The following SWT1 variants were observed in gnomAD, a reference collection of about 807,000 sequenced individuals.
The protein encoded by SWT1 is SWT1 RNA endoribonuclease homolog, also known as transcriptional protein SWT1.
Under a neutral mutation model 107.3 loss-of-function variants are expected in SWT1, and 33 were observed. That is an observed-to-expected ratio of 0.31 (90% CI 0.23 to 0.41). The LOEUF (loss-of-function observed/expected upper bound fraction) is 0.41, where lower values mean the gene tolerates loss of function less well. SWT1 is among the 10% of genes least tolerant of loss of function. The probability of loss-of-function intolerance (pLI) is 1.00; values close to 1 mark genes in which losing one functional copy is unlikely to be tolerated. For missense variants in SWT1, 898 were observed against 1,028.9 expected, an observed-to-expected ratio of 0.87 and a Z score of 1.74; for synonymous variants, 345 against 348.3, an observed-to-expected ratio of 0.99 and a Z score of 0.11.
At chr1:185,258,407 A>T (rs1167170543) in intron 16 of SWT1, among the ~76,000 whole-genome samples, 2 of 152,080 alleles carry the variant, frequency 1.3e-5, no homozygotes, top group Non-Finnish European at 2.9e-5. Flanking sequence ...CTTATTTATC[A>T]TGCTTTATTA....
intron 16 of SWT1, among the ~76,000 whole-genome samples, chr1:185,265,878 T>G (rs1223629617): frequency 6.6e-6 from 1 of 152,118 alleles, no homozygotes. Flanking sequence ...ATTATAAACA[T>G]TTCCACTTCT....
chr1:185,224,040 C>T (rs1659871964), intron 15 of SWT1, among the ~76,000 whole-genome samples: 1 of 152,168 alleles, frequency 6.6e-6, no homozygotes. Flanking sequence ...TCCTTTTGCA[C>T]ATTTTTAATT....
intron 16 of SWT1, among the ~76,000 whole-genome samples, chr1:185,232,048 C>T (rs972054779): frequency 6.6e-6 from 1 of 151,970 alleles, no homozygotes; most frequent in African/African-American, 2.4e-5. Flanking sequence ...TTTCATTTCT[C>T]TTGAATGGTT....
In SWT1 at chr1:185,276,585, A is replaced by G. The variant is rs771568096; in HGVS notation, c.2509-19A>G. On this transcript the variant is annotated intron_variant, in intron 17 of 18. Transcript: ENST00000367500. ...ACTTTAATATATATTTTTAATAACT[A>G]TATCTTGGTTCCTTTCAGGTAAATA... is the stretch of plus-strand genomic sequence containing the variant. 1.1e-5 allele frequency: 16 copies of G among 1,458,718 alleles called. No homozygotes were observed. The South Asian group carries it at 1.5e-4, about 14-fold the overall frequency. The allele number at this position is 1,458,718 out of a possible 1,614,324, so 90.4% of individuals were successfully genotyped here. A position where few individuals can be genotyped will look rare whatever the true frequency, so the allele number is the denominator to read the frequency against.
In SWT1 at chr1:185,206,630, G is replaced by T; in HGVS notation, c.1839G>T (p.Leu613=). ...TTTTTCTACATACTCTTTAGATCCT[G>T]TACCTGAAACCACCATGGACTCTAC... The part of the protein sequence containing the change: ...IAFGNLWMEI[L]YLKPPWTLLH... The change falls in exon 13 of 19, where the codon CTG becomes CTT. Residue 613 remains leucine, a synonymous_variant. Transcript: ENST00000367500. The T allele has an allele frequency of 6.5e-7, 1 of 1,543,940 alleles. No homozygotes were observed. The highest frequency in any genetic ancestry group is 8.7e-7 in the Non-Finnish European group (1 of 1,148,892).
intron 17 of SWT1, among the ~76,000 whole-genome samples, 193 bp downstream of exon 17, chr1:185,271,582 G>A (rs1663871383): frequency 6.6e-6 from 1 of 152,008 alleles, no homozygotes; most frequent in Non-Finnish European, 1.5e-5. Context: ...TATATTTAAG[G>A]TATATAGCAT....
chr1:185,221,893 T>C lies in SWT1; in HGVS notation c.2166T>C (p.Thr722=). Reference sequence around the variant, plus strand: ...CAAATTCTTCAGAAAACACAGTGACTAAAAAGCAGGAAGGTACTTCATTGA... The same window carrying C: ...CAAATTCTTCAGAAAACACAGTGACCAAAAAGCAGGAAGGTACTTCATTGA... The part of the protein sequence containing the change: ...LKPNSSENTV[T]KKQEGTSLKN... Residue 722 remains threonine (T), a synonymous_variant, in exon 15 of 19, where the codon ACT becomes ACC. Coordinates refer to ENST00000367500, the MANE Select transcript of SWT1 (RefSeq NM_017673.7). The C allele has an allele frequency of 6.2e-7, 1 of 1,607,296 alleles. No individual in the cohort carries two copies. Among genetic ancestry groups the C allele is most frequent in the Middle Eastern group, 1.7e-4 (1 of 6,012 alleles).
Position 185,252,453 on chromosome 1 carries a change from G to C in SWT1, c.2442-18870G>C, listed in dbSNP as rs867797167. On this transcript the variant is annotated intron_variant, in intron 16 of 18. Transcript: ENST00000367500. Reference sequence around the variant, plus strand: ...TCCTCTCCAGCACCTGTTGTTTCCTGACCTTTTAATGATTGCCATTCTAAC... The same window carrying C: ...TCCTCTCCAGCACCTGTTGTTTCCTCACCTTTTAATGATTGCCATTCTAAC... 1.2e-4 allele frequency among the ~76,000 whole-genome samples: 18 copies of C among 152,314 alleles called. No individual in the cohort carries two copies. In the Middle Eastern group the frequency reaches 0.014, roughly 115 times the overall value.
chr1:185,224,350 A>G (rs1026059335), intron 15 of SWT1, among the ~76,000 whole-genome samples: 5 of 151,740 alleles, frequency 3.3e-5, no homozygotes, highest in Non-Finnish European at 5.9e-5. Context: ...GCTTTGTGGT[A>G]TATTTTGTTG....
intron 16 of SWT1, among the ~76,000 whole-genome samples, chr1:185,250,962 C>T (rs1186085694): frequency 2.6e-5 from 4 of 152,290 alleles, no homozygotes; most frequent in South Asian, 2.1e-4. Context: ...TGCACCCGGC[C>T]TGGAAATATT....
chr1:185,176,535 C>T, intron 5 of SWT1: 1 of 969,600 alleles, frequency 1.0e-6, no homozygotes, highest in Non-Finnish European at 1.2e-6. Flanking sequence ...AGAACCTAAT[C>T]TCTATAATTT....
intron 3 of SWT1, 36 bp from the exon 4 acceptor site, chr1:185,168,304 T>G (rs1654755150): frequency 3.3e-6 from 4 of 1,228,050 alleles, no homozygotes; most frequent in Non-Finnish European, 4.4e-6. Context: ...TATGTACCAG[T>G]GCACAATTTA....
intron 5 of SWT1, among the ~76,000 whole-genome samples, chr1:185,177,337 C>T (rs551095086): frequency 2.4e-4 from 37 of 152,134 alleles, no homozygotes; most frequent in African/African-American, 8.2e-4. Context: ...CTCTGCAGGG[C>T]GTCGTATGGT....
At chr1:185,172,265 C>T (rs1488486180) in intron 4 of SWT1, among the ~76,000 whole-genome samples, 1 of 152,158 alleles carries the variant, frequency 6.6e-6, no homozygotes, top group Non-Finnish European at 1.5e-5. Context: ...ATTGCTGTTT[C>T]TAACATTTTA....
At chr1:185,192,463 T>G (rs1657035120) in intron 10 of SWT1, among the ~76,000 whole-genome samples, 1 of 152,126 alleles carries the variant, frequency 6.6e-6, no homozygotes, top group Non-Finnish European at 1.5e-5. Flanking sequence ...TAATTTTATT[T>G]TTTAGAAACA....
At chr1:185,203,286 G>A (rs1443740455) in intron 11 of SWT1, among the ~76,000 whole-genome samples, 2 of 152,102 alleles carry the variant, frequency 1.3e-5, no homozygotes, top group Admixed American at 6.6e-5. Context: ...AAACTTGTTG[G>A]AATCTAGTAA....
chr1:185,193,711 C>T (rs1443574991), intron 10 of SWT1, among the ~76,000 whole-genome samples: 6 of 152,144 alleles, frequency 3.9e-5, no homozygotes, highest in East Asian at 1.9e-4. Flanking sequence ...GTGATCCTCC[C>T]GCCTTGGCCT....
intron 18 of SWT1, among the ~76,000 whole-genome samples, chr1:185,282,296 G>A (rs753003741): frequency 3.4e-4 from 52 of 151,836 alleles, no homozygotes; most frequent in Non-Finnish European, 3.1e-4. Context: ...TTGGATCTAC[G>A]TGTAGTTCTG....
chr1:185,206,323 G>A (rs1014191731), intron 12 of SWT1, among the ~76,000 whole-genome samples: 6 of 152,108 alleles, frequency 3.9e-5, no homozygotes, highest in South Asian at 2.1e-4. Context: ...CGATGACTGC[G>A]TTGACAAGTA....
Sources: gnomAD v4.1 joint callset for allele counts (sites outside exome capture counted in the v4.1 genomes callset) on GRCh38, gnomAD v4.1.1 for gene constraint, MANE v1.5 for transcripts, NCBI Gene and HGNC (gene_info 2026-07-23, HGNC 2026-07-21) for gene names.